The following CABCOCO1 variants were observed in gnomAD, a reference collection of about 807,000 sequenced individuals.
CABCOCO1 encodes the protein ciliary-associated calcium-binding coiled-coil protein 1.
CABCOCO1 carries 28 observed loss-of-function variants against 35.7 expected under a neutral mutation model. The observed-to-expected ratio is 0.78, with a 90% CI of 0.58 to 1.07. The LOEUF is 1.07. CABCOCO1 is among the 50% of genes least tolerant of loss of function. CABCOCO1 has a pLI of 0.00. For synonymous variants in CABCOCO1, 95 were observed against 100.1 expected, an observed-to-expected ratio of 0.95 and a Z score of 0.30; for missense variants, 326 against 309.2, an observed-to-expected ratio of 1.05 and a Z score of -0.41.
chr10:61,734,664 T>G (rs1217820037), intron 5 of CABCOCO1, among the ~76,000 whole-genome samples: 1 of 152,020 alleles, frequency 6.6e-6, no homozygotes, highest in East Asian at 1.9e-4. Flanking sequence ...AAAACATTGG[T>G]TTTTCAAAGT....
At chr10:61,702,871 A>G (rs1044468510) in intron 5 of CABCOCO1, among the ~76,000 whole-genome samples, 1 of 151,948 alleles carries the variant, frequency 6.6e-6, no homozygotes, top group Non-Finnish European at 1.5e-5. Flanking sequence ...TATGCAAATT[A>G]TGCAGCTGCA....
At chr10:61,671,709 T>A (rs2131954541) in intron 1 of CABCOCO1, among the ~76,000 whole-genome samples, 1 of 152,168 alleles carries the variant, frequency 6.6e-6, no homozygotes, top group South Asian at 2.1e-4. Context: ...ACTGTTTAAA[T>A]GGCCTCTTTG....
intron 5 of CABCOCO1, among the ~76,000 whole-genome samples, chr10:61,691,228 G>A (rs1233509223): frequency 6.6e-6 from 1 of 152,090 alleles, no homozygotes; most frequent in African/African-American, 2.4e-5. Flanking sequence ...ATTGTTTCCT[G>A]TGGGTTGATG....
Position 61,741,791 on chromosome 10 carries a change from T to C in CABCOCO1, c.553-18268T>C, listed in dbSNP as rs113966415. 4.6e-3 allele frequency among the ~76,000 whole-genome samples: 705 copies of C among 152,320 alleles called. 7 individuals are homozygous for C. Among genetic ancestry groups the C allele is most frequent in the African/African-American group, 0.015 (629 of 41,572 alleles). On this transcript the variant is annotated intron_variant, in intron 5 of 7. Coordinates refer to ENST00000648843, the MANE Select transcript of CABCOCO1 (RefSeq NM_001366906.2). Reference sequence around the variant, plus strand: ...ATAGGTTAAGCACTTAATTTTTAAATTTAATTTTTAATTTTGTGCTATTTT... The same window carrying C: ...ATAGGTTAAGCACTTAATTTTTAAACTTAATTTTTAATTTTGTGCTATTTT...
intron 1 of CABCOCO1, among the ~76,000 whole-genome samples, chr10:61,668,201 C>T (rs1196845556): frequency 6.6e-6 from 1 of 151,808 alleles, no homozygotes; most frequent in East Asian, 1.9e-4. Flanking sequence ...CTTATTTGGT[C>T]ATAGGTATAG....
At chr10:61,664,942 G>C (rs894111559) in intron 1 of CABCOCO1, among the ~76,000 whole-genome samples, 6 of 152,092 alleles carry the variant, frequency 3.9e-5, no homozygotes, top group Non-Finnish European at 8.8e-5. Flanking sequence ...TTACAATGTT[G>C]ATCCCCCAAC....
At chr10:61,754,151 A>G (rs899059229) in intron 5 of CABCOCO1, among the ~76,000 whole-genome samples, 1 of 152,118 alleles carries the variant, frequency 6.6e-6, no homozygotes, top group African/African-American at 2.4e-5. Flanking sequence ...TGCTTGAAAC[A>G]ATTCGATGAA....
At chr10:61,706,123 A>G (rs886234699) in intron 5 of CABCOCO1, among the ~76,000 whole-genome samples, 3 of 152,224 alleles carry the variant, frequency 2.0e-5, no homozygotes, top group African/African-American at 7.2e-5. Context: ...TAGTGTAACG[A>G]AGTTACTTTA....
Position 61,766,578 on chromosome 10 carries a change from A to G in CABCOCO1, c.*565A>G, listed in dbSNP as rs1842115447. 2 of 152,208 alleles carry G rather than the reference A, an allele frequency of 1.3e-5. No individual in the cohort carries two copies. The highest frequency in any genetic ancestry group is 4.2e-4 in the South Asian group (2 of 4,808). 9.4% of individuals were successfully genotyped at this position (152,208 alleles called of 1,614,324 possible). On this transcript the variant is annotated 3_prime_UTR_variant, in exon 8 of 8. Coordinates refer to ENST00000648843, the MANE Select transcript of CABCOCO1 (RefSeq NM_001366906.2). ...TTCAGTGTGAAACCAATTTTCTGAA[A>G]TTATATAATGCAGTTTGAAGCACTT...
At chr10:61,736,988 G>A (rs1214132781) in intron 5 of CABCOCO1, among the ~76,000 whole-genome samples, 3 of 152,080 alleles carry the variant, frequency 2.0e-5, no homozygotes, top group African/African-American at 7.2e-5. Context: ...TTTGTACACT[G>A]ATTTTGTATT....
At chr10:61,671,099 G>A (rs1275626243) in intron 1 of CABCOCO1, among the ~76,000 whole-genome samples, 1 of 152,146 alleles carries the variant, frequency 6.6e-6, no homozygotes, top group African/African-American at 2.4e-5. Flanking sequence ...GGCTGAGGCG[G>A]GCAGGTCACG....
chr10:61,680,478 A>ATATATATAACATATTATGTTATATTATGT (rs1839694657), intron 2 of CABCOCO1, among the ~76,000 whole-genome samples: 1 of 25,484 alleles, frequency 3.9e-5, no homozygotes, highest in Non-Finnish European at 9.5e-5. Context: ...ATATATATTT[A>ATATATATAACATATTATGTTATATTATGT]TATATATAAC....
At chr10:61,748,376 T>G (rs996310648) in intron 5 of CABCOCO1, among the ~76,000 whole-genome samples, 6 of 152,198 alleles carry the variant, frequency 3.9e-5, no homozygotes, top group African/African-American at 1.4e-4. Context: ...CTCAGAGAGT[T>G]TTGTTTAGCA....
At chr10:61,693,588 A>G (rs1210558581) in intron 5 of CABCOCO1, among the ~76,000 whole-genome samples, 1 of 152,152 alleles carries the variant, frequency 6.6e-6, no homozygotes, top group Non-Finnish European at 1.5e-5. Context: ...ATAAAATAAT[A>G]GATCTAGGCA....
At chr10:61,698,147 T>C (rs962799394) in intron 5 of CABCOCO1, among the ~76,000 whole-genome samples, 5 of 152,190 alleles carry the variant, frequency 3.3e-5, no homozygotes, top group Non-Finnish European at 5.9e-5. Flanking sequence ...CACACACATA[T>C]ATACACATTT....
At chr10:61,709,674 T>C (rs1840679401) in intron 5 of CABCOCO1, among the ~76,000 whole-genome samples, 1 of 150,172 alleles carries the variant, frequency 6.7e-6, no homozygotes, top group African/African-American at 2.5e-5. Flanking sequence ...TTGCCTGACT[T>C]ACTTGTCCCC....
At chr10:61,722,821 T>A (rs1474121617) in intron 5 of CABCOCO1, among the ~76,000 whole-genome samples, 1 of 152,052 alleles carries the variant, frequency 6.6e-6, no homozygotes, top group Non-Finnish European at 1.5e-5. Flanking sequence ...GAAGGAGAAG[T>A]AAAAATTATC....
At chr10:61,702,577 A>T (rs1840486331) in intron 5 of CABCOCO1, among the ~76,000 whole-genome samples, 1 of 152,158 alleles carries the variant, frequency 6.6e-6, no homozygotes, top group Non-Finnish European at 1.5e-5. Flanking sequence ...AAGTCAACCA[A>T]GACTCTAGGG....
chr10:61,732,224 A>C (rs1408506671), intron 5 of CABCOCO1, among the ~76,000 whole-genome samples: 1 of 152,110 alleles, frequency 6.6e-6, no homozygotes, highest in Non-Finnish European at 1.5e-5. Flanking sequence ...GTCTGCCTGG[A>C]TTCCCCAGGG....
Sources: gnomAD v4.1 joint callset for allele counts (sites outside exome capture counted in the v4.1 genomes callset) on GRCh38, gnomAD v4.1.1 for gene constraint, MANE v1.5 for transcripts, NCBI Gene and HGNC (gene_info 2026-07-23, HGNC 2026-07-21) for gene names.